Variants in FRMD5 observed in about 807,000 individuals in gnomAD.
FRMD5 encodes the protein FERM domain-containing protein 5.
In FRMD5, 20 loss-of-function variants were observed where a neutral mutation model predicts 69.0. The observed-to-expected ratio is 0.29, with a 90% CI of 0.20 to 0.42. The LOEUF (loss-of-function observed/expected upper bound fraction) is 0.42, where lower values mean the gene tolerates loss of function less well. Among genes scored for constraint, FRMD5 ranks in the 10% least tolerant of loss-of-function variants. The pLI, the probability that FRMD5 is intolerant of heterozygous loss-of-function variation, is 1.00. For synonymous variants in FRMD5, 271 were observed against 260.1 expected, an observed-to-expected ratio of 1.04 and a Z score of -0.40; for missense variants, 595 against 708.6, an observed-to-expected ratio of 0.84 and a Z score of 1.82.
chr15:44,020,726 C>G (rs531516712), intron 1 of FRMD5, among the ~76,000 whole-genome samples: 5 of 152,260 alleles, frequency 3.3e-5, no homozygotes, highest in Admixed American at 3.3e-4. Flanking sequence ...GAATTATTAA[C>G]ATTTTCTTCA....
At chr15:43,987,700 T>C (rs1330520376) in intron 1 of FRMD5, among the ~76,000 whole-genome samples, 1 of 151,866 alleles carries the variant, frequency 6.6e-6, no homozygotes, top group African/African-American at 2.4e-5. Context: ...TAGGCATGCA[T>C]CACCACGCCT....
At chr15:44,153,471 G>A (rs577017015) in intron 1 of FRMD5, among the ~76,000 whole-genome samples, 5 of 152,278 alleles carry the variant, frequency 3.3e-5, no homozygotes, top group Non-Finnish European at 7.4e-5. Flanking sequence ...GTCACAAAAA[G>A]ACAAATACTG....
At chr15:43,896,034 A>C (rs1215545358) in intron 7 of FRMD5, among the ~76,000 whole-genome samples, 1 of 152,214 alleles carries the variant, frequency 6.6e-6, no homozygotes, top group Admixed American at 6.5e-5. Flanking sequence ...CATTTTATCA[A>C]GCTGGATTCT....
intron 1 of FRMD5, among the ~76,000 whole-genome samples, chr15:44,002,196 A>AT (rs907892267): frequency 3.9e-5 from 6 of 152,008 alleles, no homozygotes; most frequent in Admixed American, 6.6e-5. Context: ...AAGGCACCTG[A>AT]TTTTTTTAGT....
intron 1 of FRMD5, among the ~76,000 whole-genome samples, chr15:44,151,565 GATTC>G (rs1362481104): frequency 6.6e-6 from 1 of 152,018 alleles, no homozygotes; most frequent in Non-Finnish European, 1.5e-5. Context: ...GGAGGTAAAA[GATTC>G]ATTGGATGAA....
At position 43,920,925 on chromosome 15, in the gene FRMD5, C is replaced by T. The variant is rs868107493; in HGVS notation, c.208-1116G>A. Among the ~76,000 whole-genome samples, 3 of 152,344 alleles carry T rather than the reference C, an allele frequency of 2.0e-5. 1 individual carries two copies. The South Asian group carries it at 6.2e-4, about 32-fold the overall frequency. ...GGCCTCCCTTGATTCCCAGTGATCA[C>T]CTTCTGGGCTGGGCCATGGGTCATG... On this transcript the variant is annotated intron_variant, in intron 2 of 13. Transcript: ENST00000417257.
intron 1 of FRMD5, among the ~76,000 whole-genome samples, chr15:44,136,306 G>A (rs1222312701): frequency 6.6e-6 from 1 of 152,156 alleles, no homozygotes; most frequent in Non-Finnish European, 1.5e-5. Context: ...TTACAGGCGT[G>A]AGCCACGGTG....
chr15:44,189,222 A>G (rs2078153316), intron 1 of FRMD5, among the ~76,000 whole-genome samples: 1 of 152,250 alleles, frequency 6.6e-6, no homozygotes, highest in African/African-American at 2.4e-5. Context: ...GTAAGACCAC[A>G]AAAGTAAAAC....
At chr15:44,063,922 G>T in intron 1 of FRMD5, 2 of 264,700 alleles carry the variant, frequency 7.6e-6, no homozygotes, top group South Asian at 8.5e-5. Flanking sequence ...TGTGAACCAT[G>T]AGAAGTACAA....
At chr15:44,036,324 G>A (rs1302526573) in intron 1 of FRMD5, among the ~76,000 whole-genome samples, 1 of 151,010 alleles carries the variant, frequency 6.6e-6, no homozygotes, top group Middle Eastern at 3.2e-3. Context: ...TCACCCTCAC[G>A]CACCTGCTCA....
At chr15:43,913,327 G>A (rs1473212687) in intron 4 of FRMD5, among the ~76,000 whole-genome samples, 1 of 152,214 alleles carries the variant, frequency 6.6e-6, no homozygotes, top group Admixed American at 6.5e-5. Flanking sequence ...GAGGGAAAAG[G>A]ATACACCAGT....
At chr15:44,026,482 A>T (rs1202353234) in intron 1 of FRMD5, among the ~76,000 whole-genome samples, 2 of 152,164 alleles carry the variant, frequency 1.3e-5, no homozygotes, top group African/African-American at 4.8e-5. Flanking sequence ...GCACATGAAC[A>T]ATTACTTTAA....
intron 1 of FRMD5, among the ~76,000 whole-genome samples, chr15:43,980,064 G>C (rs953256219): frequency 6.6e-6 from 1 of 152,094 alleles, no homozygotes. Context: ...TTTTTGCTTC[G>C]AAATACTAGT....
At chr15:43,875,820 TTTTTTTTC>T in intron 13 of FRMD5, 1 of 375,758 alleles carries the variant, frequency 2.7e-6, no homozygotes, top group East Asian at 4.6e-5. Flanking sequence ...TTTTTTTTTT[TTTTTTTTC>T]TTTCAGTCTT....
At chr15:43,883,943 A>G (rs2088599279) in intron 12 of FRMD5, 134 bp from the exon 13 acceptor site, 3 of 666,448 alleles carry the variant, frequency 4.5e-6, no homozygotes, top group Non-Finnish European at 8.1e-6. Flanking sequence ...AAAATCTTTA[A>G]TACCTTCTCT....
intron 1 of FRMD5, among the ~76,000 whole-genome samples, chr15:44,084,576 A>G (rs1160529348): frequency 6.6e-6 from 1 of 152,144 alleles, no homozygotes; most frequent in African/African-American, 2.4e-5. Context: ...GGGGCAACAC[A>G]GCACAGACTT....
chr15:43,873,787 T>C lies in FRMD5; in HGVS notation c.*98A>G. On this transcript the variant is annotated 3_prime_UTR_variant, in exon 14 of 14. Transcript: ENST00000417257. Reference sequence around the variant, plus strand: ...TTTGAGTCATGAGAGGAGGACTTGGTATATGTGCCGATGGTTCCGCGATGG... The same window carrying C: ...TTTGAGTCATGAGAGGAGGACTTGGCATATGTGCCGATGGTTCCGCGATGG... 3.2e-6 allele frequency: 5 copies of C among 1,544,236 alleles called. No individual in the cohort carries two copies. Among genetic ancestry groups the C allele is most frequent in the Non-Finnish European group, 4.4e-6 (5 of 1,147,050 alleles).
At chr15:43,938,948 G>A (rs1056150291) in intron 1 of FRMD5, among the ~76,000 whole-genome samples, 29 of 151,720 alleles carry the variant, frequency 1.9e-4, no homozygotes, top group African/African-American at 6.3e-4. Context: ...TGCAACCTCC[G>A]CCTCCTAGGT....
intron 1 of FRMD5, among the ~76,000 whole-genome samples, chr15:44,026,633 T>C (rs1373185815): frequency 6.6e-6 from 1 of 152,204 alleles, no homozygotes; most frequent in Non-Finnish European, 1.5e-5. Flanking sequence ...GGACTATTAT[T>C]TTTTCTTAGC....
Sources: allele counts gnomAD v4.1 joint callset (sites outside exome capture counted in the v4.1 genomes callset), GRCh38; gene constraint gnomAD v4.1.1; transcripts MANE v1.5; gene names NCBI Gene and HGNC (gene_info 2026-07-23, HGNC 2026-07-21).